The following MALRD1 variants were observed in gnomAD, a reference collection of about 807,000 sequenced individuals.
MALRD1 encodes MAM and LDL-receptor class A domain-containing protein 1.
MALRD1 carries 247 observed loss-of-function variants against 242.1 expected under a neutral mutation model. The ratio of observed to expected loss-of-function variants is 1.02; its 90% CI spans 0.92 to 1.13. The LOEUF is 1.13. MALRD1 is among the 50% of genes most tolerant of loss of function. The pLI, the probability that MALRD1 is intolerant of heterozygous loss-of-function variation, is 0.00. For missense variants in MALRD1, 2,989 were observed against 2,533.1 expected (o/e 1.18, Z -3.86); for synonymous variants, 995 against 866.6 (o/e 1.15, Z -2.60).
At chr10:19,292,807 G>A (rs886643845) in intron 21 of MALRD1, among the ~76,000 whole-genome samples, 9 of 150,600 alleles carry the variant, frequency 6.0e-5, no homozygotes, top group Non-Finnish European at 1.2e-4. Flanking sequence ...GCAGGAGAAT[G>A]GTGTGAACCT....
In MALRD1 at chr10:19,235,432, T is replaced by G. The variant is rs572676728; in HGVS notation, c.2992-22252T>G. On this transcript the variant is annotated intron_variant, in intron 18 of 39. Transcript: ENST00000454679. ...TTGTATGTGTTCTCTTGAGAAGTGT[T>G]TGTTCATGTCCTTTGCCCATTTTTT... is the stretch of plus-strand genomic sequence containing the variant. Among the ~76,000 whole-genome samples the G allele has an allele frequency of 2.0e-5, 3 of 151,178 alleles. 1 individual carries two copies. In the Admixed American group the frequency reaches 2.0e-4, roughly 10 times the overall value.
intron 28 of MALRD1, among the ~76,000 whole-genome samples, chr10:19,448,629 C>T (rs1257645345): frequency 6.6e-6 from 1 of 151,948 alleles, no homozygotes; most frequent in African/African-American, 2.4e-5. Context: ...CATTTTATGT[C>T]ATGTTACCTT....
intron 26 of MALRD1, among the ~76,000 whole-genome samples, chr10:19,355,393 T>A (rs937049732): frequency 6.8e-6 from 1 of 147,488 alleles, no homozygotes; most frequent in Non-Finnish European, 1.5e-5. Flanking sequence ...AAAGTTAATA[T>A]AAAAGGTTAA....
intron 29 of MALRD1, among the ~76,000 whole-genome samples, chr10:19,476,854 C>T (rs1836761142): frequency 6.6e-6 from 1 of 152,112 alleles, no homozygotes; most frequent in African/African-American, 2.4e-5. Flanking sequence ...GGTATGTACA[C>T]TTCAGAAATA....
chr10:19,076,385 A>G lies in MALRD1; in HGVS notation c.340+9526A>G, dbSNP rs567893807. Among the ~76,000 whole-genome samples, 20 of 152,064 alleles carry G rather than the reference A, an allele frequency of 1.3e-4. No homozygotes were observed. The East Asian group carries it at 3.5e-3, about 27-fold the overall frequency. On this transcript the variant is annotated intron_variant, in intron 2 of 39. Transcript: ENST00000454679. ...TTTTAGGTGTTACATTTAAGAAACC[A>G]TTGCCTAATCCAAGGTCATAGACTT...
At position 19,164,305 on chromosome 10, in the gene MALRD1, TG is replaced by T. The variant is rs138957249; in HGVS notation, c.1657-1330del. On this transcript the variant is annotated intron_variant, in intron 12 of 39. Transcript: ENST00000454679. ...AAAAAAGCATTTAAAACATTTTTTT[TG>T]GTCAACATTCATCACTGGAATTGGG... Among the ~76,000 whole-genome samples the T allele has an allele frequency of 6.5e-3, 987 of 152,284 alleles. 12 individuals carry two copies. Among genetic ancestry groups the T allele is most frequent in the African/African-American group, 0.023 (935 of 41,540 alleles).
At chr10:19,315,756 TAA>T (rs1246391748) in intron 21 of MALRD1, among the ~76,000 whole-genome samples, 1 of 141,116 alleles carries the variant, frequency 7.1e-6, no homozygotes. Context: ...ATCTAATATG[TAA>T]TATATATGTA....
intron 33 of MALRD1, among the ~76,000 whole-genome samples, chr10:19,578,698 C>G (rs1162228882): frequency 1.3e-5 from 2 of 148,698 alleles, no homozygotes; most frequent in African/African-American, 5.1e-5. Context: ...AAGCTCATGG[C>G]TGGGTTTTTT....
intron 19 of MALRD1, among the ~76,000 whole-genome samples, chr10:19,263,169 T>C (rs7914677): frequency 0.088 from 13,365 of 152,278 alleles, 664 homozygotes; most frequent in Middle Eastern, 0.12. Context: ...GAACTGGGAT[T>C]GCTGGATCAT....
At position 19,389,604 on chromosome 10, in the gene MALRD1, A is replaced by G. The variant is rs1203473480; in HGVS notation, c.4840A>G (p.Ile1614Val). 1 of 1,549,588 alleles carries G rather than the reference A, an allele frequency of 6.5e-7. No individual in the cohort carries two copies. Among genetic ancestry groups the G allele is most frequent in the South Asian group, 1.2e-5 (1 of 83,926 alleles). ...GGCCACAGGATCCATTCAGATTCTCATCAAGGTAGGAACATGGCCTGTGAT... is the reference window on the plus strand; with the variant it reads ...GGCCACAGGATCCATTCAGATTCTCGTCAAGGTAGGAACATGGCCTGTGAT... ...AKATGSIQILIKTEKGLSKVW... is the reference protein window; with the variant it reads ...AKATGSIQILVKTEKGLSKVW... The change falls in exon 28 of 40, where the codon ATC becomes GTC. Residue 1614 changes from isoleucine (I) to valine (V), a missense_variant. Physicochemically the swap from Ile to Val is conservative, Grantham distance 29. Transcript: ENST00000454679.
intron 38 of MALRD1, chr10:19,710,537 A>G (rs1026774917): frequency 1.3e-5 from 2 of 151,434 alleles, no homozygotes; most frequent in Non-Finnish European, 3.0e-5. Flanking sequence ...TTTGGTGTGT[A>G]TACACATGTT....
At chr10:19,619,472 T>C (rs953297766) in intron 36 of MALRD1, among the ~76,000 whole-genome samples, 3 of 152,064 alleles carry the variant, frequency 2.0e-5, no homozygotes, top group Non-Finnish European at 4.4e-5. Context: ...CCCAACTTTT[T>C]ACTAGTTTTT....
intron 13 of MALRD1, among the ~76,000 whole-genome samples, chr10:19,171,471 TAC>T (rs1193030858): frequency 2.1e-5 from 3 of 142,474 alleles, no homozygotes; most frequent in African/African-American, 5.3e-5. Context: ...CACATGTATA[TAC>T]ACACACACAT....
At chr10:19,182,022 A>T (rs912865842) in intron 14 of MALRD1, among the ~76,000 whole-genome samples, 2 of 151,742 alleles carry the variant, frequency 1.3e-5, no homozygotes, top group Non-Finnish European at 1.5e-5. Context: ...CTCAGCAGCA[A>T]TTTTTTTTAT....
chr10:19,345,076 A>AT (rs1195161152), intron 24 of MALRD1, among the ~76,000 whole-genome samples: 3 of 152,168 alleles, frequency 2.0e-5, no homozygotes, highest in African/African-American at 7.2e-5. Context: ...ATATGAAATT[A>AT]TAAGTTGTTC....
rs964996013 is a variant in MALRD1 at position 19,450,464 on chromosome 10, A to G, written c.5003A>G (p.Asp1668Gly). 1.3e-6 allele frequency: 2 copies of G among 1,549,356 alleles called. No individual in the cohort carries two copies. Among genetic ancestry groups the G allele is most frequent in the Non-Finnish European group, 1.7e-6 (2 of 1,146,576 alleles). The change falls in exon 29 of 40, where the codon GAT becomes GGT. Residue 1668 changes from aspartate (D) to glycine (G), a missense_variant. Asp to Gly is a moderately conservative substitution (Grantham distance 94, BLOSUM62 -1). Coordinates refer to ENST00000454679, the MANE Select transcript of MALRD1 (RefSeq NM_001142308.3). Reference sequence around the variant, plus strand: ...CTGGGAGGAGGAGCTGCAATTGATGATATTGAATTTAAAAACTGCACAACT... The same window carrying G: ...CTGGGAGGAGGAGCTGCAATTGATGGTATTGAATTTAAAAACTGCACAACT... ...RDLGGGAAID[D>G]IEFKNCTTVG...
chr10:19,155,504 GTGTT>G (rs1235106213), intron 12 of MALRD1, among the ~76,000 whole-genome samples: 1 of 152,196 alleles, frequency 6.6e-6, no homozygotes, highest in Non-Finnish European at 1.5e-5. Context: ...AGTTAAATAA[GTGTT>G]TGTTGAAAGA....
At chr10:19,244,375 C>A (rs1022220970) in intron 18 of MALRD1, among the ~76,000 whole-genome samples, 38 of 152,098 alleles carry the variant, frequency 2.5e-4, no homozygotes, top group African/African-American at 8.9e-4. Context: ...GAGTTTGAGA[C>A]CTGCCTGGGA....
chr10:19,380,725 C>T (rs995774158), intron 26 of MALRD1, among the ~76,000 whole-genome samples: 34 of 152,142 alleles, frequency 2.2e-4, no homozygotes, highest in African/African-American at 7.9e-4. Flanking sequence ...TATCCATTTA[C>T]TTGTGGTTCG....
Sources: allele counts gnomAD v4.1 joint callset (sites outside exome capture counted in the v4.1 genomes callset), GRCh38; gene constraint gnomAD v4.1.1; transcripts MANE v1.5; gene names NCBI Gene and HGNC (gene_info 2026-07-23, HGNC 2026-07-21).